Variants in ANXA7 observed in about 807,000 individuals in gnomAD.
The protein encoded by ANXA7 is annexin A7.
A neutral mutation model predicts 64.9 loss-of-function variants in ANXA7; 55 were observed. The observed-to-expected ratio is 0.85, with a 90% CI of 0.68 to 1.06. The LOEUF (loss-of-function observed/expected upper bound fraction) is 1.06, where lower values mean the gene tolerates loss of function less well. Ranked by LOEUF, ANXA7 falls within the 50% of genes least tolerant of loss-of-function variation. The pLI is 0.00. For missense variants in ANXA7, 548 were observed against 582.1 expected, an observed-to-expected ratio of 0.94 and a Z score of 0.60; for synonymous variants, 200 against 192.4, an observed-to-expected ratio of 1.04 and a Z score of -0.33.
chr10:73,398,274 C>T lies in ANXA7; in HGVS notation c.166G>A (p.Gly56Arg). Residue 56 changes from glycine (G) to arginine (R), a missense_variant, in exon 3 of 13, where the codon GGA (glycine) becomes AGA (arginine). Gly to Arg is a moderately radical substitution (Grantham distance 125). Coordinates refer to ENST00000372921, the MANE Select transcript of ANXA7 (RefSeq NM_001156.5). The stretch of plus-strand genomic sequence containing the variant: ...CCAGGCGCAGGGTAGCCTCCAGCTC[C>T]TGGGTAGCCACTACTTGGCACTTGT... ...YPQVPSSGYP[G>R]AGGYPAPGGY... is the part of the protein sequence containing the mutation. 6.2e-7 allele frequency: 1 copy of T among 1,614,092 alleles called. No individual in the cohort carries two copies.
chr10:73,400,814 G>A lies in ANXA7; in HGVS notation c.43C>T (p.Pro15Ser), dbSNP rs1372214887. The change falls in exon 2 of 13, where the codon CCT (proline) becomes TCT (serine). Residue 15 changes from proline to serine, a missense_variant. Physicochemically the swap from Pro to Ser is moderately conservative, Grantham distance 74. Coordinates refer to ENST00000372921, the MANE Select transcript of ANXA7 (RefSeq NM_001156.5). ...GYPPTGYPPF[P>S]GYPPAGQESS... ...GTGGCAATACTTACAGGATATCCAGGGAAAGGTGGGTAGCCTGTTGGGGGA... is the reference window on the plus strand; with the variant it reads ...GTGGCAATACTTACAGGATATCCAGAGAAAGGTGGGTAGCCTGTTGGGGGA... 1 of 1,605,620 alleles carries A rather than the reference G, an allele frequency of 6.2e-7. No individual in the cohort carries two copies. Among genetic ancestry groups the A allele is most frequent in the African/African-American group, 1.3e-5 (1 of 74,620 alleles).
intron 9 of ANXA7, among the ~76,000 whole-genome samples, chr10:73,382,603 C>T (rs960659723): frequency 1.3e-5 from 2 of 152,304 alleles, no homozygotes; most frequent in Middle Eastern, 6.8e-3. Context: ...GCCTTGGCCT[C>T]CAAAAGTGCT....
chr10:73,393,473 A>G (rs938648003), intron 5 of ANXA7, among the ~76,000 whole-genome samples: 37 of 152,360 alleles, frequency 2.4e-4, no homozygotes, highest in African/African-American at 7.9e-4. Flanking sequence ...ACAAGGCTAC[A>G]GTAACCAAAA....
At chr10:73,378,678 G>A (rs1209889430) in intron 12 of ANXA7, among the ~76,000 whole-genome samples, 2 of 152,266 alleles carry the variant, frequency 1.3e-5, no homozygotes, top group East Asian at 1.9e-4. Flanking sequence ...TTCTCAAGTT[G>A]TAAAATCTGT....
intron 1 of ANXA7, among the ~76,000 whole-genome samples, chr10:73,404,321 A>G (rs181270277): frequency 5.9e-5 from 9 of 152,330 alleles, no homozygotes; most frequent in Admixed American, 4.6e-4. Context: ...TCTGTACCAG[A>G]AAGTTTGAAA....
Position 73,398,271 on chromosome 10 carries a change from C to T in ANXA7, c.169G>A (p.Ala57Thr). 6.2e-7 allele frequency: 1 copy of T among 1,614,078 alleles called. No homozygotes were observed. The highest frequency in any genetic ancestry group is 1.1e-5 in the South Asian group (1 of 91,068). ...CCTCCAGGCGCAGGGTAGCCTCCAG[C>T]TCCTGGGTAGCCACTACTTGGCACT... is the stretch of plus-strand genomic sequence containing the variant. ...PQVPSSGYPG[A>T]GGYPAPGGYP... Residue 57 changes from alanine (A) to threonine (T), a missense_variant, in exon 3 of 13, where the codon GCT (alanine) becomes ACT (threonine). Transcript: ENST00000372921.
In ANXA7 at chr10:73,397,348, ATTG is replaced by A. The variant is rs1034127672; in HGVS notation, c.260-77_260-75del. ...CAGAAAAAACTTTAGAAAAATATCT[ATTG>A]TTAACAGTGGAAAAATATGCTATTA... On this transcript the variant is annotated intron_variant, in intron 3 of 12. Coordinates refer to ENST00000372921, the MANE Select transcript of ANXA7 (RefSeq NM_001156.5). 6.3e-6 allele frequency: 5 copies of A among 794,256 alleles called. No homozygotes were observed. In the African/African-American group the frequency reaches 8.8e-5, roughly 14 times the overall value. 49.2% of individuals were successfully genotyped at this position (794,256 alleles called of 1,614,324 possible). A position where few individuals can be genotyped will look rare whatever the true frequency, so the allele number is the denominator to read the frequency against.
At position 73,397,201 on chromosome 10, in the gene ANXA7, C is replaced by G; in HGVS notation, c.333G>C (p.Gln111His). 6.2e-7 allele frequency: 1 copy of G among 1,612,058 alleles called. No homozygotes were observed. Among genetic ancestry groups the G allele is most frequent in the Non-Finnish European group, 8.5e-7 (1 of 1,178,778 alleles). ...CCTGTGCTGGACCACCTCCATAAGA[C>G]TGTGAAGGTGGCTGTGGATACCCAG... ...GFSGYPQPPS[Q>H]SYGGGPAQVP... The change falls in exon 4 of 13, where the codon CAG becomes CAC. Residue 111 changes from glutamine (Q) to histidine (H), a missense_variant. By Grantham distance (24) the Gln-to-His change is conservative. Transcript: ENST00000372921.
intron 5 of ANXA7, among the ~76,000 whole-genome samples, chr10:73,395,543 G>A (rs1416103610): frequency 6.6e-6 from 1 of 152,146 alleles, no homozygotes; most frequent in African/African-American, 2.4e-5. Context: ...CAGCTCTTTG[G>A]GAGGCCGAGG....
At chr10:73,392,785 C>T (rs139553111) in intron 5 of ANXA7, among the ~76,000 whole-genome samples, 1 of 151,956 alleles carries the variant, frequency 6.6e-6, no homozygotes, top group East Asian at 1.9e-4. Flanking sequence ...CCTTTGAAAA[C>T]TGGCACAAGA....
intron 6 of ANXA7, among the ~76,000 whole-genome samples, chr10:73,388,056 T>C (rs928832239): frequency 2.6e-5 from 4 of 152,040 alleles, no homozygotes; most frequent in African/African-American, 9.7e-5. Context: ...AGTTTCGCCA[T>C]GTTGGCCAGG....
intron 12 of ANXA7, among the ~76,000 whole-genome samples, chr10:73,377,938 C>CGT (rs1221772635): frequency 4.8e-5 from 7 of 145,294 alleles, no homozygotes; most frequent in Non-Finnish European, 8.9e-5. Context: ...TGTGCGCGCG[C>CGT]GTGTGTTTTT....
chr10:73,377,931 G>A (rs891663376), intron 12 of ANXA7, among the ~76,000 whole-genome samples: 1 of 123,122 alleles, frequency 8.1e-6, no homozygotes, highest in Non-Finnish European at 1.7e-5. Context: ...GTGTGTGTGT[G>A]CGCGCGCGTG....
At chr10:73,405,933 T>C (rs1038558206) in intron 1 of ANXA7, among the ~76,000 whole-genome samples, 3 of 151,988 alleles carry the variant, frequency 2.0e-5, no homozygotes, top group African/African-American at 4.8e-5. Flanking sequence ...TACTCCAGTA[T>C]AGTAAGAAAC....
intron 12 of ANXA7, 35 bp from the exon 13 acceptor site, chr10:73,376,252 T>G (rs376542573): frequency 9.8e-6 from 15 of 1,524,730 alleles, no homozygotes; most frequent in Non-Finnish European, 1.2e-5. Flanking sequence ...CAGAAAAACA[T>G]CTGTGACAAC....
intron 7 of ANXA7, among the ~76,000 whole-genome samples, chr10:73,384,128 A>T (rs140103948): frequency 0.045 from 6,777 of 152,136 alleles, 468 homozygotes; most frequent in African/African-American, 0.15. Flanking sequence ...CTCAAAAAAA[A>T]AAATAAATAA....
chr10:73,392,854 C>T (rs1265038776), intron 5 of ANXA7, among the ~76,000 whole-genome samples: 2 of 151,746 alleles, frequency 1.3e-5, no homozygotes, highest in African/African-American at 4.8e-5. Flanking sequence ...CTGGCCAGGG[C>T]AATCAGGCAG....
At chr10:73,391,326 T>C (rs1169402208) in intron 5 of ANXA7, among the ~76,000 whole-genome samples, 1 of 149,562 alleles carries the variant, frequency 6.7e-6, no homozygotes, top group Non-Finnish European at 1.5e-5. Flanking sequence ...AAAACTATCA[T>C]AGAGCTGGGC....
intron 5 of ANXA7, chr10:73,395,917 G>T: frequency 1.4e-6 from 1 of 736,808 alleles, no homozygotes; most frequent in Non-Finnish European, 2.5e-6. Flanking sequence ...ATTATTACAG[G>T]AACACAAAGA....
Sources: allele counts gnomAD v4.1 joint callset (sites outside exome capture counted in the v4.1 genomes callset), GRCh38; gene constraint gnomAD v4.1.1; transcripts MANE v1.5; gene names NCBI Gene and HGNC (gene_info 2026-07-23, HGNC 2026-07-21).